The following MGAT4C variants were observed in gnomAD, a reference collection of about 807,000 sequenced individuals.
MGAT4C encodes the protein alpha-1,3-mannosyl-glycoprotein 4-beta-N-acetylglucosaminyltransferase C.
Under a neutral mutation model 40.1 loss-of-function variants are expected in MGAT4C, and 19 were observed. The observed-to-expected ratio is 0.47, with a 90% confidence interval of 0.33 to 0.70. MGAT4C has a LOEUF of 0.70. MGAT4C is among the 30% of genes least tolerant of loss of function. The probability of loss-of-function intolerance (pLI) is 0.02; values close to 1 mark genes in which losing one functional copy is unlikely to be tolerated. For missense variants in MGAT4C, 491 were observed against 563.2 expected (o/e 0.87, Z 1.30); for synonymous variants, 181 against 187.1 (o/e 0.97, Z 0.27).
chr12:86,838,031 AAAT>A (rs1277206654), intron 1 of MGAT4C, among the ~76,000 whole-genome samples: 2 of 152,232 alleles, frequency 1.3e-5, no homozygotes, highest in African/African-American at 4.8e-5. Context: ...GAACAAAGTT[AAAT>A]AATAATTTTG....
At chr12:86,834,189 TATAG>T (rs1952990894) in intron 1 of MGAT4C, among the ~76,000 whole-genome samples, 2 of 141,940 alleles carry the variant, frequency 1.4e-5, no homozygotes, top group Middle Eastern at 3.8e-3. Flanking sequence ...TAGATATAGA[TATAG>T]ATATAGATAT....
chr12:86,416,176 T>C (rs1956708190), intron 3 of MGAT4C, among the ~76,000 whole-genome samples: 1 of 151,658 alleles, frequency 6.6e-6, no homozygotes, highest in African/African-American at 2.4e-5. Context: ...TAAGAAAGAG[T>C]AGACAATATG....
intron 2 of MGAT4C, among the ~76,000 whole-genome samples, chr12:86,541,513 C>A (rs189429450): frequency 6.6e-6 from 1 of 152,112 alleles, no homozygotes; most frequent in Non-Finnish European, 1.5e-5. Flanking sequence ...AATTTACACA[C>A]TACCACATTT....
At chr12:86,508,644 A>C (rs567165602) in intron 2 of MGAT4C, among the ~76,000 whole-genome samples, 2 of 151,710 alleles carry the variant, frequency 1.3e-5, no homozygotes, top group Non-Finnish European at 2.9e-5. Flanking sequence ...ACCGACCTTC[A>C]CAATGGTTGA....
At chr12:86,629,124 A>C (rs1962931355) in intron 2 of MGAT4C, among the ~76,000 whole-genome samples, 1 of 152,168 alleles carries the variant, frequency 6.6e-6, no homozygotes, top group Non-Finnish European at 1.5e-5. Context: ...GATTAAACAG[A>C]CATTAAAAAA....
At chr12:86,170,779 C>T (rs1373884771) in intron 1 of MGAT4C, among the ~76,000 whole-genome samples, 1 of 149,614 alleles carries the variant, frequency 6.7e-6, no homozygotes, top group Non-Finnish European at 1.5e-5. Context: ...AAGGCAAAAA[C>T]CCATCTCTAC....
intron 1 of MGAT4C, among the ~76,000 whole-genome samples, chr12:86,753,444 G>A (rs1016626855): frequency 6.6e-6 from 1 of 151,926 alleles, no homozygotes; most frequent in Non-Finnish European, 1.5e-5. Flanking sequence ...ATAAATATGT[G>A]GGTAAATCTC....
At chr12:86,445,275 C>A (rs1277185450) in intron 2 of MGAT4C, among the ~76,000 whole-genome samples, 1 of 151,998 alleles carries the variant, frequency 6.6e-6, no homozygotes, top group African/African-American at 2.4e-5. Context: ...TATGTAAAGG[C>A]AAAAATATTT....
At chr12:86,469,700 T>C (rs1023705876) in intron 2 of MGAT4C, among the ~76,000 whole-genome samples, 1 of 152,140 alleles carries the variant, frequency 6.6e-6, no homozygotes, top group African/African-American at 2.4e-5. Flanking sequence ...TTGAGATGAC[T>C]GTGGCCTTGT....
At chr12:86,699,954 G>A (rs1241453840) in intron 2 of MGAT4C, among the ~76,000 whole-genome samples, 3 of 151,734 alleles carry the variant, frequency 2.0e-5, no homozygotes, top group Non-Finnish European at 4.4e-5. Context: ...AGCACTTGAT[G>A]TAATCGTTAT....
intron 4 of MGAT4C, among the ~76,000 whole-genome samples, chr12:86,265,037 G>A (rs577052320): frequency 6.6e-6 from 1 of 152,218 alleles, no homozygotes; most frequent in Non-Finnish European, 1.5e-5. Context: ...GCTGCTTGCA[G>A]TAAGCCTGGT....
chr12:86,234,417 C>T (rs1290314849), intron 1 of MGAT4C, among the ~76,000 whole-genome samples: 1 of 152,132 alleles, frequency 6.6e-6, no homozygotes, highest in Non-Finnish European at 1.5e-5. Flanking sequence ...GTATGCCTAA[C>T]ATTGCACTTT....
chr12:86,627,164 G>GT (rs1962839138), intron 2 of MGAT4C, among the ~76,000 whole-genome samples: 1 of 70 alleles, frequency 0.014, no homozygotes, highest in East Asian at 0.5. Flanking sequence ...AAGCCTGGCT[G>GT]GGGAGGGGCA....
chr12:86,555,815 G>A (rs924177134), intron 2 of MGAT4C, among the ~76,000 whole-genome samples: 9 of 152,196 alleles, frequency 5.9e-5, no homozygotes, highest in East Asian at 3.9e-4. Context: ...TGGGGCCTTC[G>A]CAGCCTCCAC....
At chr12:86,374,766 A>C (rs1257950573) in intron 3 of MGAT4C, among the ~76,000 whole-genome samples, 4 of 152,144 alleles carry the variant, frequency 2.6e-5, no homozygotes, top group African/African-American at 9.6e-5. Flanking sequence ...GCTTAACAGC[A>C]TATTTATTGA....
intron 4 of MGAT4C, among the ~76,000 whole-genome samples, chr12:86,285,605 G>A (rs185166949): frequency 8.1e-4 from 123 of 152,018 alleles, no homozygotes; most frequent in Non-Finnish European, 1.5e-3. Context: ...GCATATTATT[G>A]ATGGAAGTGT....
At chr12:86,286,309 C>A (rs577723208) in intron 4 of MGAT4C, among the ~76,000 whole-genome samples, 27 of 152,084 alleles carry the variant, frequency 1.8e-4, no homozygotes, top group Middle Eastern at 3.4e-3. Context: ...TTAGAGAGGC[C>A]CTAATTAAAA....
chr12:86,661,634 G>C lies in MGAT4C; in HGVS notation c.-229+65575C>G, dbSNP rs186674735. On this transcript the variant is annotated intron_variant, in intron 2 of 7. Coordinates refer to the MGAT4C transcript ENST00000548651. Reference sequence around the variant, plus strand: ...GTATCTTTGAATGGGAGGTTGTCTGGGTACAACTGAAGCAATCAAACATAA... The same window carrying C: ...GTATCTTTGAATGGGAGGTTGTCTGCGTACAACTGAAGCAATCAAACATAA... Among the ~76,000 whole-genome samples, 75 of 152,178 alleles carry C rather than the reference G, an allele frequency of 4.9e-4. 1 individual carries two copies. Among genetic ancestry groups the C allele is most frequent in the Non-Finnish European group, 1.5e-4 (10 of 68,008 alleles).
intron 2 of MGAT4C, among the ~76,000 whole-genome samples, chr12:86,481,296 C>T (rs1215434613): frequency 6.6e-6 from 1 of 151,888 alleles, no homozygotes; most frequent in Admixed American, 6.6e-5. Context: ...AGACTTAACA[C>T]CAAGGACAAA....
Sources: allele counts gnomAD v4.1 joint callset (sites outside exome capture counted in the v4.1 genomes callset), GRCh38; gene constraint gnomAD v4.1.1; transcripts MANE v1.5; gene names NCBI Gene and HGNC (gene_info 2026-07-23, HGNC 2026-07-21).